RPS3A: variants seen among roughly 807,000 people sequenced by gnomAD.
The protein encoded by RPS3A is ribosomal protein S3A.
Under a neutral mutation model 26.4 loss-of-function variants are expected in RPS3A, and 1 was observed. The ratio of observed to expected loss-of-function variants is 0.04; its 90% CI spans 0.01 to 0.18. The LOEUF is 0.18. Ranked by LOEUF, RPS3A falls within the 10% of genes least tolerant of loss-of-function variation. The pLI is 1.00. For missense variants in RPS3A, 139 were observed against 326.8 expected, an observed-to-expected ratio of 0.43 and a Z score of 4.43; for synonymous variants, 97 against 106.1, an observed-to-expected ratio of 0.91 and a Z score of 0.53.
Position 151,103,126 on chromosome 4 carries a change from A to G in RPS3A, c.563+47A>G, listed in dbSNP as rs1177329013. On this transcript the variant is annotated intron_variant, in intron 4 of 5. Coordinates refer to ENST00000274065, the MANE Select transcript of RPS3A (RefSeq NM_001006.5). Reference sequence around the variant, plus strand: ...CACACAACACAACCTTGAGTATTGGATTATTCCTGAGATGAGAGAACGCAT... The same window carrying G: ...CACACAACACAACCTTGAGTATTGGGTTATTCCTGAGATGAGAGAACGCAT... 6 of 1,566,256 alleles carry G rather than the reference A, an allele frequency of 3.8e-6. No individual in the cohort carries two copies. In the South Asian group the frequency reaches 4.6e-5, roughly 12 times the overall value.
At chr4:151,103,222 A>G in intron 4 of RPS3A, 143 bp downstream of exon 4, 4 of 1,373,286 alleles carry the variant, frequency 2.9e-6, no homozygotes, top group African/African-American at 1.4e-5. Flanking sequence ...TAAGTGAAAG[A>G]GTGTTAAGTA....
intron 3 of RPS3A, chr4:151,102,182 G>A (rs1166330662): frequency 9.9e-6 from 4 of 406,030 alleles, no homozygotes; most frequent in African/African-American, 6.4e-5. Context: ...TCCCTTAGCT[G>A]TAAATTGTAT....
rs757647365 is a variant in RPS3A, at chr4:151,099,628, C to T, written c.-25C>T. Reference sequence around the variant, plus strand: ...AGTTCTCGCGCGACTCCCACTTCCGCCCTTTTGGCTCTCTGACCAGCACCA... The same window carrying T: ...AGTTCTCGCGCGACTCCCACTTCCGTCCTTTTGGCTCTCTGACCAGCACCA... On this transcript the variant is annotated 5_prime_UTR_variant, in exon 1 of 6. Coordinates refer to ENST00000274065, the MANE Select transcript of RPS3A (RefSeq NM_001006.5). The T allele has an allele frequency of 2.5e-5, 41 of 1,611,962 alleles. No individual in the cohort carries two copies. The Middle Eastern group carries it at 4.7e-3, about 185-fold the overall frequency.
chr4:151,104,111 A>C, intron 4 of RPS3A, 66 bp from the exon 5 acceptor site: 3 of 1,451,418 alleles, frequency 2.1e-6, no homozygotes, highest in Non-Finnish European at 2.7e-6. Context: ...CTCTACTTTT[A>C]AAGGAAATGG....
rs755151123 is a variant in RPS3A, at chr4:151,104,441, T to G, written c.674-31T>G. The G allele has an allele frequency of 1.3e-5, 15 of 1,121,032 alleles. No homozygotes were observed. The South Asian group carries it at 2.9e-4, about 22-fold the overall frequency. 69.4% of individuals were successfully genotyped at this position (1,121,032 alleles called of 1,614,324 possible). On this transcript the variant is annotated intron_variant, in intron 5 of 5. Coordinates refer to ENST00000274065, the MANE Select transcript of RPS3A (RefSeq NM_001006.5). ...CAAGATATACTAACAGTTTTTTGGT[T>G]TTTTTTTTTTTTTTTTTTTTTGCCT...
chr4:151,103,117 G>C (rs1244292443), intron 4 of RPS3A, 38 bp downstream of exon 4: 2 of 1,576,698 alleles, frequency 1.3e-6, no homozygotes, highest in East Asian at 2.3e-5. Context: ...ACACAACCTT[G>C]AGTATTGGAT....
chr4:151,101,739 G>GT (rs1438091403), intron 3 of RPS3A, among the ~76,000 whole-genome samples: 2 of 152,052 alleles, frequency 1.3e-5, no homozygotes, highest in African/African-American at 4.8e-5. Context: ...TTTTGTGGGA[G>GT]TTTTTTGTTT....
At chr4:151,100,096 G>A (rs1747052313) in intron 1 of RPS3A, 4 of 523,236 alleles carry the variant, frequency 7.6e-6, no homozygotes, top group South Asian at 6.3e-5. Context: ...TGGTCCCGCT[G>A]GAATCTGCGA....
intron 4 of RPS3A, chr4:151,103,408 C>A: frequency 1.6e-6 from 1 of 640,004 alleles, no homozygotes; most frequent in Non-Finnish European, 2.0e-6. Context: ...GGACTGCCAC[C>A]ATACCCAGCT....
chr4:151,104,145 T>A, intron 4 of RPS3A, 32 bp from the exon 5 acceptor site: 8 of 1,587,384 alleles, frequency 5.0e-6, no homozygotes, highest in Non-Finnish European at 6.8e-6. Flanking sequence ...ACTAGGACTT[T>A]TAGAAAAAAA....
rs1747082151 is a variant in RPS3A, at chr4:151,100,735, T to C, written c.166+147T>C. The C allele has an allele frequency of 1.0e-4, 66 of 645,492 alleles. No individual in the cohort carries two copies. The South Asian group carries it at 1.3e-3, about 12-fold the overall frequency. 40.0% of individuals were successfully genotyped at this position (645,492 alleles called of 1,614,324 possible). ...CAGCCTTGGCACCTGTGGTGATCATTTTTAGTACAGCACTTGGAGAGAAGC... is the reference window on the plus strand; with the variant it reads ...CAGCCTTGGCACCTGTGGTGATCATCTTTAGTACAGCACTTGGAGAGAAGC... On this transcript the variant is annotated intron_variant, in intron 2 of 5. Transcript: ENST00000274065.
At chr4:151,104,351 TG>T (rs1747267972) in intron 5 of RPS3A, 65 bp downstream of exon 5, 1 of 1,554,166 alleles carries the variant, frequency 6.4e-7, no homozygotes, top group African/African-American at 1.4e-5. Context: ...AGGAGGAGTG[TG>T]GGGCCATATC....
At chr4:151,102,788 A>C in intron 3 of RPS3A, 83 bp from the exon 4 acceptor site, 1 of 1,429,436 alleles carries the variant, frequency 7.0e-7, no homozygotes, top group East Asian at 2.5e-5. Flanking sequence ...AGTGTTTGAC[A>C]ATCCAGCTTT....
In RPS3A at chr4:151,099,723, C is replaced by T. The variant is rs1466387822; in HGVS notation, c.62+9C>T. 6 of 1,610,506 alleles carry T rather than the reference C, an allele frequency of 3.7e-6. No individual in the cohort carries two copies. Among genetic ancestry groups the T allele is most frequent in the African/African-American group, 1.3e-5 (1 of 74,840 alleles). On this transcript the variant is annotated intron_variant, in intron 1 of 5. Transcript: ENST00000274065. ...GGAGCCAAGAAGAAAGTGTAAGTCG[C>T]GACTGTCGTGGCGTCTTGCTTTTTG...
intron 1 of RPS3A, chr4:151,099,925 C>A (rs1467418993): frequency 1.8e-6 from 1 of 559,384 alleles, no homozygotes; most frequent in Non-Finnish European, 3.4e-6. Context: ...TCCTTGCGCG[C>A]GTCGCGTTTG....
In RPS3A at chr4:151,102,897, C is replaced by T; in HGVS notation, c.381C>T (p.Val127=). 6.2e-7 allele frequency: 1 copy of T among 1,611,518 alleles called. No homozygotes were observed. Among genetic ancestry groups the T allele is most frequent in the Non-Finnish European group, 8.5e-7 (1 of 1,178,582 alleles). The change falls in exon 4 of 6, where the codon GTC becomes GTT. Residue 127 remains valine (V), a synonymous_variant. Transcript: ENST00000274065. ...WQTMIEAHVD[V]KTTDGYLLRL... is the part of the protein sequence containing the mutation. ...CAATGATTGAAGCTCACGTTGATGT[C>T]AAGACTACCGATGGTTACTTGCTTC...
chr4:151,101,801 C>G (rs1031233243), intron 3 of RPS3A, among the ~76,000 whole-genome samples: 1 of 152,094 alleles, frequency 6.6e-6, no homozygotes, highest in South Asian at 2.1e-4. Flanking sequence ...GGCGCCATCT[C>G]TGCTCACTGC....
chr4:151,102,891 T>C lies in RPS3A; in HGVS notation c.375T>C (p.Val125=), dbSNP rs750333985. Residue 125 remains valine (V), a synonymous_variant, in exon 4 of 6, where the codon GTT becomes GTC. Transcript: ENST00000274065. ...KKWQTMIEAH[V]DVKTTDGYLL... Reference sequence around the variant, plus strand: ...TCCAGACAATGATTGAAGCTCACGTTGATGTCAAGACTACCGATGGTTACT... The same window carrying C: ...TCCAGACAATGATTGAAGCTCACGTCGATGTCAAGACTACCGATGGTTACT... 9 of 1,611,692 alleles carry C rather than the reference T, an allele frequency of 5.6e-6. No homozygotes were observed. The South Asian group carries it at 9.9e-5, about 18-fold the overall frequency.
Position 151,104,214 on chromosome 4 carries a change from T to A in RPS3A, c.601T>A (p.Cys201Ser). 6.2e-7 allele frequency: 1 copy of A among 1,612,376 alleles called. No individual in the cohort carries two copies. The highest frequency in any genetic ancestry group is 8.5e-7 in the Non-Finnish European group (1 of 1,179,602). ...CATTGGAAAAGACATAGAAAAGGCT[T>A]GCCAATCTATTTATCCTCTCCATGA... ...DSIGKDIEKA[C>S]QSIYPLHDVF... The change falls in exon 5 of 6, where the codon TGC becomes AGC. Residue 201 changes from cysteine to serine, a missense_variant. Around this residue, in one of 3 missense-constraint regions of RPS3A, gnomAD observed 96 missense variants for 209.8 expected, o/e 0.46. Coordinates refer to ENST00000274065, the MANE Select transcript of RPS3A (RefSeq NM_001006.5).
Sources: gnomAD v4.1 joint callset for allele counts (sites outside exome capture counted in the v4.1 genomes callset) on GRCh38, gnomAD v4.1.1 for gene constraint, gnomAD v4.1.1 regional missense constraint, MANE v1.5 for transcripts, NCBI Gene and HGNC (gene_info 2026-07-23, HGNC 2026-07-21) for gene names.